Variants in PHACTR1 observed in about 807,000 individuals in gnomAD.
PHACTR1 encodes the protein RPEL repeat containing 1.
Under a neutral mutation model 69.2 loss-of-function variants are expected in PHACTR1, and 16 were observed. The ratio of observed to expected loss-of-function variants is 0.23; its 90% CI spans 0.16 to 0.35. The LOEUF is 0.35. PHACTR1 is among the 10% of genes least tolerant of loss of function. The pLI, the probability that PHACTR1 is intolerant of heterozygous loss-of-function variation, is 1.00. For missense variants in PHACTR1, 510 were observed against 734.7 expected (o/e 0.69, Z 3.54); for synonymous variants, 312 against 284.5 (o/e 1.10, Z -0.97).
At chr6:12,839,715 C>T (rs1427377569) in intron 4 of PHACTR1, among the ~76,000 whole-genome samples, 1 of 152,140 alleles carries the variant, frequency 6.6e-6, no homozygotes. Context: ...TGAGTTCGCC[C>T]TTATGCATAA....
At chr6:13,079,029 A>C (rs1406432510) in intron 5 of PHACTR1, among the ~76,000 whole-genome samples, 1 of 152,116 alleles carries the variant, frequency 6.6e-6, no homozygotes, top group African/African-American at 2.4e-5. Context: ...GAATTTTATC[A>C]CCTTGTTGAA....
chr6:12,789,429 T>C (rs1442957398), intron 4 of PHACTR1, among the ~76,000 whole-genome samples: 1 of 152,144 alleles, frequency 6.6e-6, no homozygotes, highest in African/African-American at 2.4e-5. Context: ...GGTCCGTGGT[T>C]CTCTCATCTC....
chr6:13,202,814 C>G (rs1319983541), intron 7 of PHACTR1, among the ~76,000 whole-genome samples: 2 of 152,224 alleles, frequency 1.3e-5, no homozygotes, highest in African/African-American at 4.8e-5. Context: ...GTGGACCCTT[C>G]AGTAAGATGA....
chr6:12,765,051 T>A (rs1189746033), intron 4 of PHACTR1, among the ~76,000 whole-genome samples: 2 of 152,148 alleles, frequency 1.3e-5, no homozygotes, highest in African/African-American at 4.8e-5. Flanking sequence ...TTCAGAGTTA[T>A]TAGAATTTGG....
At chr6:13,022,524 C>T (rs1801118682) in intron 4 of PHACTR1, among the ~76,000 whole-genome samples, 1 of 152,194 alleles carries the variant, frequency 6.6e-6, no homozygotes, top group African/African-American at 2.4e-5. Flanking sequence ...TCTGTAAATA[C>T]AGGCTTATTG....
At chr6:13,207,852 C>T (rs1013688827) in intron 8 of PHACTR1, among the ~76,000 whole-genome samples, 8 of 151,764 alleles carry the variant, frequency 5.3e-5, no homozygotes, top group African/African-American at 1.9e-4. Context: ...GAGCTAAAAG[C>T]GAGATGCACA....
chr6:12,963,114 GAGAA>G (rs1473524518), intron 4 of PHACTR1, among the ~76,000 whole-genome samples: 2 of 152,212 alleles, frequency 1.3e-5, no homozygotes. Flanking sequence ...TCAGAATTCA[GAGAA>G]AGAGACAGGA....
At chr6:12,733,990 A>G (rs1763909315) in intron 3 of PHACTR1, among the ~76,000 whole-genome samples, 1 of 152,130 alleles carries the variant, frequency 6.6e-6, no homozygotes, top group African/African-American at 2.4e-5. Flanking sequence ...TCTCTGCCCA[A>G]CTCAGTTCAA....
chr6:12,869,211 C>T (rs1262809933), intron 4 of PHACTR1, among the ~76,000 whole-genome samples: 4 of 152,124 alleles, frequency 2.6e-5, no homozygotes, highest in African/African-American at 4.8e-5. Flanking sequence ...CCAAGATGTA[C>T]AGAATGAGGG....
intron 5 of PHACTR1, among the ~76,000 whole-genome samples, chr6:13,107,714 C>G (rs1340759738): frequency 6.6e-6 from 1 of 151,834 alleles, no homozygotes; most frequent in Admixed American, 6.6e-5. Context: ...TAGTGATGTC[C>G]CTTAGGTCTT....
chr6:13,158,342 C>T (rs1332511628), intron 5 of PHACTR1, among the ~76,000 whole-genome samples: 1 of 152,124 alleles, frequency 6.6e-6, no homozygotes, highest in African/African-American at 2.4e-5. Context: ...TCTTGAACCC[C>T]CACACAAACA....
intron 5 of PHACTR1, among the ~76,000 whole-genome samples, chr6:13,054,551 A>G (rs1490168933): frequency 1.3e-5 from 2 of 152,204 alleles, no homozygotes; most frequent in Non-Finnish European, 2.9e-5. Flanking sequence ...CTTGGCTTGT[A>G]GGCGGCAGCC....
At chr6:12,924,800 A>C (rs1412425224) in intron 4 of PHACTR1, among the ~76,000 whole-genome samples, 1 of 151,830 alleles carries the variant, frequency 6.6e-6, no homozygotes, top group African/African-American at 2.4e-5. Flanking sequence ...AAAAATTTAA[A>C]CTATAGTAAG....
chr6:12,767,286 A>G (rs949535867), intron 4 of PHACTR1, among the ~76,000 whole-genome samples: 2 of 152,180 alleles, frequency 1.3e-5, no homozygotes, highest in Non-Finnish European at 1.5e-5. Flanking sequence ...GAAGTCAACA[A>G]CTGTTCAGAA....
chr6:12,960,259 CT>C (rs1268450445), intron 4 of PHACTR1, among the ~76,000 whole-genome samples: 2 of 152,150 alleles, frequency 1.3e-5, no homozygotes, highest in African/African-American at 4.8e-5. Flanking sequence ...CACTTAGTGC[CT>C]GAAAAAGTAC....
chr6:13,221,775 C>T (rs753541379), intron 8 of PHACTR1, among the ~76,000 whole-genome samples: 3 of 152,188 alleles, frequency 2.0e-5, no homozygotes, highest in African/African-American at 4.8e-5. Flanking sequence ...CGGTGGCTCA[C>T]GCCTCTAATC....
chr6:12,821,850 T>C lies in PHACTR1; in HGVS notation c.250+72060T>C, dbSNP rs982899696. Among the ~76,000 whole-genome samples the C allele has an allele frequency of 2.6e-5, 4 of 152,212 alleles. No homozygotes were observed. The East Asian group carries it at 5.8e-4, about 22-fold the overall frequency. On this transcript the variant is annotated intron_variant, in intron 4 of 14. Coordinates refer to ENST00000332995, the MANE Select transcript of PHACTR1 (RefSeq NM_030948.6). Reference sequence around the variant, plus strand: ...ATAAGTTGTCAAAGGTCACACAAACTGGTCCAGATTCCGCCCAGATATGTG... The same window carrying C: ...ATAAGTTGTCAAAGGTCACACAAACCGGTCCAGATTCCGCCCAGATATGTG...
chr6:12,744,298 G>A (rs1765488821), intron 3 of PHACTR1, among the ~76,000 whole-genome samples: 1 of 152,174 alleles, frequency 6.6e-6, no homozygotes, highest in Non-Finnish European at 1.5e-5. Context: ...TGTTGCAAAA[G>A]AAAGCAGATT....
At chr6:12,816,714 T>G (rs1775630337) in intron 4 of PHACTR1, among the ~76,000 whole-genome samples, 1 of 152,232 alleles carries the variant, frequency 6.6e-6, no homozygotes, top group African/African-American at 2.4e-5. Context: ...GCCTTTGTTT[T>G]AAAAATCTTC....
Sources: allele counts gnomAD v4.1 joint callset (sites outside exome capture counted in the v4.1 genomes callset), GRCh38; gene constraint gnomAD v4.1.1; transcripts MANE v1.5; gene names NCBI Gene and HGNC (gene_info 2026-07-23, HGNC 2026-07-21).